Variants in SYNE1 observed in about 807,000 individuals in gnomAD.
SYNE1 encodes the protein nesprin-1.
Under a neutral mutation model 1,111.0 loss-of-function variants are expected in SYNE1, and 616 were observed. The ratio of observed to expected loss-of-function variants is 0.55; its 90% CI spans 0.52 to 0.59. The LOEUF is 0.59. Among genes scored for constraint, SYNE1 ranks in the 20% least tolerant of loss-of-function variants. SYNE1 has a pLI of 0.00. For missense variants in SYNE1, 10,006 were observed against 10,417.0 expected (o/e 0.96, Z 1.72); for synonymous variants, 3,855 against 3,825.8 (o/e 1.01, Z -0.28).
At position 152,307,983 on chromosome 6, in the gene SYNE1, C is replaced by G. The variant is rs375730094; in HGVS notation, c.17346+506G>C. 1.1e-4 allele frequency among the ~76,000 whole-genome samples: 17 copies of G among 152,220 alleles called. No individual in the cohort carries two copies. The South Asian group carries it at 1.7e-3, about 15-fold the overall frequency. ...AAGTAGCTGGGATTACAGGCGCATG[C>G]CACCACACCCAGCTAATTTTTGTAT... On this transcript the variant is annotated intron_variant, in intron 91 of 145. Transcript: ENST00000367255.
At chr6:152,297,004 A>G (rs2094914829) in intron 93 of SYNE1, among the ~76,000 whole-genome samples, 1 of 152,088 alleles carries the variant, frequency 6.6e-6, no homozygotes, top group Non-Finnish European at 1.5e-5. Flanking sequence ...TCCTGTCCAC[A>G]TTGATCCAGA....
At chr6:152,530,715 G>A (rs539919987) in intron 4 of SYNE1, among the ~76,000 whole-genome samples, 32 of 150,880 alleles carry the variant, frequency 2.1e-4, no homozygotes, top group South Asian at 8.4e-4. Flanking sequence ...TCTGCCTCCC[G>A]GGTTCATGCC....
Position 152,462,410 on chromosome 6 carries a change from C to T in SYNE1, c.2250+328G>A. On this transcript the variant is annotated intron_variant, in intron 20 of 145. Coordinates refer to ENST00000367255, the MANE Select transcript of SYNE1 (RefSeq NM_182961.4). ...TTCAAAATATGCAAATACCACAGTTCATGCAATAAATCCTTTATTATTGAA... is the reference window on the plus strand; with the variant it reads ...TTCAAAATATGCAAATACCACAGTTTATGCAATAAATCCTTTATTATTGAA... 7.0e-6 allele frequency: 3 copies of T among 429,106 alleles called. No individual in the cohort carries two copies. In the South Asian group the frequency reaches 1.4e-4, roughly 20 times the overall value. 26.6% of individuals were successfully genotyped at this position (429,106 alleles called of 1,614,324 possible).
chr6:152,127,239 T>A (rs906974131), intron 145 of SYNE1: 11 of 152,102 alleles, frequency 7.2e-5, no homozygotes, highest in African/African-American at 2.7e-4. Flanking sequence ...CGGGGTAGGG[T>A]CTGGAGTCAG....
chr6:152,216,306 A>G (rs779906549), intron 121 of SYNE1, among the ~76,000 whole-genome samples: 7 of 152,234 alleles, frequency 4.6e-5, no homozygotes, highest in Non-Finnish European at 7.3e-5. Flanking sequence ...CTATTCTAGT[A>G]GTCAAAAGTG....
At chr6:152,188,984 A>AATATATATATATATATATATATATATAT (rs1190850842) in intron 128 of SYNE1, among the ~76,000 whole-genome samples, 1 of 22,998 alleles carries the variant, frequency 4.3e-5, no homozygotes, top group Non-Finnish European at 8.1e-5. Flanking sequence ...AAAAAAAAAA[A>AATATATATATATATATATATATATATAT]ATATATATAT....
At position 152,441,172 on chromosome 6, in the gene SYNE1, A is replaced by T. The variant is rs149109801; in HGVS notation, c.4107T>A (p.Phe1369Leu). 4,536 of 1,613,746 alleles carry T rather than the reference A, an allele frequency of 2.8e-3. 8 individuals are homozygous for T. Among genetic ancestry groups the T allele is most frequent in the Non-Finnish European group, 3.6e-3 (4,240 of 1,179,830 alleles). ...TGSSHERFLS[F>L]SSLESLSSEL... ...CTGAAGATAAACTTTCCAAACTGCT[A>T]AAACTCAAGAAGCGTTCATGACTGG... Residue 1369 changes from phenylalanine to leucine, a missense_variant, in exon 32 of 146, where the codon TTT becomes TTA. Phe to Leu is a conservative substitution (Grantham distance 22). Around this residue, in one of 7 missense-constraint regions of SYNE1, gnomAD observed 1,971 missense variants for 2,084.1 expected, o/e 0.95. Coordinates refer to ENST00000367255, the MANE Select transcript of SYNE1 (RefSeq NM_182961.4).
chr6:152,157,816 T>TG (rs1007506243), intron 131 of SYNE1, among the ~76,000 whole-genome samples: 8 of 151,762 alleles, frequency 5.3e-5, no homozygotes, highest in African/African-American at 1.7e-4. Flanking sequence ...TGGAGTGCAG[T>TG]GGCATGATCT....
chr6:152,137,622 T>C (rs1228490598), intron 140 of SYNE1, among the ~76,000 whole-genome samples: 1 of 152,144 alleles, frequency 6.6e-6, no homozygotes, highest in Admixed American at 6.5e-5. Context: ...ATTGAGTATC[T>C]AGGTACTGTT....
rs2059879195 is a variant in SYNE1 at position 152,148,451 on chromosome 6, C to A, written c.24643-73G>T. 2.9e-6 allele frequency: 4 copies of A among 1,381,118 alleles called. No individual in the cohort carries two copies. The East Asian group carries it at 9.7e-5, about 34-fold the overall frequency. 85.6% of individuals were successfully genotyped at this position (1,381,118 alleles called of 1,614,324 possible). ...CTTCTTATCTGGGCCACCTGCCTAC[C>A]ATGTGGGGACAATTTTTAACTTCTT... is the stretch of plus-strand genomic sequence containing the variant. On this transcript the variant is annotated intron_variant, in intron 136 of 145. Coordinates refer to ENST00000367255, the MANE Select transcript of SYNE1 (RefSeq NM_182961.4). This position sits in a 1 kb window ranked among gnomAD's most constrained non-coding sequence, Gnocchi z 4.1.
In SYNE1 at chr6:152,161,485, C is replaced by T. The variant is rs563094268; in HGVS notation, c.23790+2678G>A. On this transcript the variant is annotated intron_variant, in intron 131 of 145. Transcript: ENST00000367255. ...TGGAAGATAGTCTCCATTCTGAATG[C>T]TTTTTTTAAAGAAAAATGGCATCCT... is the stretch of plus-strand genomic sequence containing the variant. 7.2e-5 allele frequency among the ~76,000 whole-genome samples: 11 copies of T among 151,770 alleles called. 1 individual carries two copies. The East Asian group carries it at 2.1e-3, about 30-fold the overall frequency.
rs531521637 is a variant in SYNE1, at chr6:152,193,773, G to A, written c.23146-4366C>T. Among the ~76,000 whole-genome samples, 53 of 151,958 alleles carry A rather than the reference G, an allele frequency of 3.5e-4. 1 individual carries two copies. In the South Asian group the frequency reaches 6.4e-3, roughly 18 times the overall value. ...ACGCCTGTAATCCCAGCACTCTAGGGGGCCAAGGTGGGCAGATCATGAGGT... is the reference window on the plus strand; with the variant it reads ...ACGCCTGTAATCCCAGCACTCTAGGAGGCCAAGGTGGGCAGATCATGAGGT... On this transcript the variant is annotated intron_variant, in intron 127 of 145. Coordinates refer to ENST00000367255, the MANE Select transcript of SYNE1 (RefSeq NM_182961.4).
At chr6:152,405,456 T>C (rs1241530704) in intron 45 of SYNE1, among the ~76,000 whole-genome samples, 4 of 152,162 alleles carry the variant, frequency 2.6e-5, no homozygotes, top group Admixed American at 6.5e-5. Flanking sequence ...ATTTCAACCA[T>C]GATACAATAG....
chr6:152,133,759 G>A, intron 142 of SYNE1: 1 of 497,384 alleles, frequency 2.0e-6, no homozygotes, highest in East Asian at 3.8e-5. Flanking sequence ...ATTAGTTAAT[G>A]TATATATGAC....
Position 152,140,170 on chromosome 6 carries a change from A to C in SYNE1, c.25247-9T>G. On this transcript the variant is annotated splice_polypyrimidine_tract_variant and intron_variant, in intron 139 of 145. Transcript: ENST00000367255. ...CCATCGGTCAATCACACCTGGCAAG[A>C]CATGCATAGAACAGTGAGGTTATTT... The C allele has an allele frequency of 6.2e-7, 1 of 1,613,984 alleles. No homozygotes were observed. Among genetic ancestry groups the C allele is most frequent in the Non-Finnish European group, 8.5e-7 (1 of 1,179,822 alleles).
rs756796197 is a variant in SYNE1, at chr6:152,326,622, A to AGTCAAG, written c.14961_14966dup (p.Leu4988_Thr4989dup). On this transcript the variant is annotated inframe_insertion, in exon 79 of 146. Coordinates refer to ENST00000367255, the MANE Select transcript of SYNE1 (RefSeq NM_182961.4). ...ACCTTTGACACTGGCTATATATTTC[A>AGTCAAG]GTCAAGGTAGCCTGAAAAACAGCAA... 6.2e-7 allele frequency: 1 copy of AGTCAAG among 1,613,722 alleles called. No homozygotes were observed. The highest frequency in any genetic ancestry group is 8.5e-7 in the Non-Finnish European group (1 of 1,179,976).
At chr6:152,252,840 T>C (rs1016428286) in intron 104 of SYNE1, among the ~76,000 whole-genome samples, 4 of 152,216 alleles carry the variant, frequency 2.6e-5, no homozygotes, top group Non-Finnish European at 5.9e-5. Flanking sequence ...TAAAGAGAAT[T>C]CCATGATTCT....
chr6:152,188,994 T>C (rs1471655029), intron 128 of SYNE1, among the ~76,000 whole-genome samples: 2 of 96,616 alleles, frequency 2.1e-5, no homozygotes, highest in African/African-American at 9.6e-5. Context: ...AATATATATA[T>C]ATATATATAT....
intron 61 of SYNE1, chr6:152,368,516 A>T (rs2097124125): frequency 1.2e-5 from 2 of 162,500 alleles, no homozygotes; most frequent in South Asian, 3.2e-4. Context: ...TGAATTTTTT[A>T]AAAATATCAT....
Sources: allele counts gnomAD v4.1 joint callset (sites outside exome capture counted in the v4.1 genomes callset), GRCh38; gene constraint gnomAD v4.1.1; regional missense constraint gnomAD v4.1.1; non-coding constraint Gnocchi (gnomAD v3.1); transcripts MANE v1.5; gene names NCBI Gene and HGNC (gene_info 2026-07-23, HGNC 2026-07-21).